The following USP32 variants were observed in gnomAD, a reference collection of about 807,000 sequenced individuals.
The protein encoded by USP32 is ubiquitin specific peptidase 32, also known as ubiquitin carboxyl-terminal hydrolase 32.
Under a neutral mutation model 204.8 loss-of-function variants are expected in USP32, and 59 were observed. The ratio of observed to expected loss-of-function variants is 0.29; its 90% CI spans 0.23 to 0.36. The LOEUF (loss-of-function observed/expected upper bound fraction) is 0.36, where lower values mean the gene tolerates loss of function less well. Among genes scored for constraint, USP32 ranks in the 10% least tolerant of loss-of-function variants. USP32 has a pLI of 1.00. For missense variants in USP32, 1,160 were observed against 1,946.4 expected (o/e 0.60, Z 7.60); for synonymous variants, 517 against 678.4 (o/e 0.76, Z 3.70).
At chr17:60,267,992 G>C (rs1030669340) in intron 7 of USP32, among the ~76,000 whole-genome samples, 2 of 151,654 alleles carry the variant, frequency 1.3e-5, no homozygotes, top group Non-Finnish European at 2.9e-5. Flanking sequence ...TGTATTTTTA[G>C]CCGAGACTAT....
At chr17:60,368,713 T>C (rs1465822237) in intron 1 of USP32, among the ~76,000 whole-genome samples, 1 of 152,160 alleles carries the variant, frequency 6.6e-6, no homozygotes. Flanking sequence ...AGTAAGCACT[T>C]CACAGTTGTC....
At chr17:60,276,177 A>G (rs1481309577) in intron 5 of USP32, among the ~76,000 whole-genome samples, 1 of 152,178 alleles carries the variant, frequency 6.6e-6, no homozygotes. Context: ...CTAGGGGTTT[A>G]GGACCAGCTT....
intron 9 of USP32, among the ~76,000 whole-genome samples, chr17:60,259,658 C>CCATA (rs1356590335): frequency 2.0e-5 from 3 of 152,052 alleles, no homozygotes; most frequent in Non-Finnish European, 4.4e-5. Flanking sequence ...AATGAGCCTC[C>CCATA]CATATTTGTT....
At chr17:60,260,647 T>C (rs1483854592) in intron 9 of USP32, among the ~76,000 whole-genome samples, 2 of 151,820 alleles carry the variant, frequency 1.3e-5, no homozygotes, top group African/African-American at 4.8e-5. Context: ...TAGTAAACAT[T>C]TTACTAAGTT....
In USP32 at chr17:60,407,781, CAAAAAAAAAA is replaced by C. The variant is rs750848462; in HGVS notation, c.106+14455_106+14464del. 8.6e-4 allele frequency among the ~76,000 whole-genome samples: 31 copies of C among 35,944 alleles called. No homozygotes were observed. In the East Asian group the frequency reaches 0.03, roughly 34 times the overall value. The allele number at this position is 35,944 out of a possible 152,430, so 23.6% of individuals were successfully genotyped here. ...TGGGCGACAGAGCAAGCCTCTGTCTCAAAAAAAAAAAAAAAAAAAAAAAAAGCAGAAACAG... is the reference window on the plus strand; with the variant it reads ...TGGGCGACAGAGCAAGCCTCTGTCTCAAAAAAAAAAAAAAAGCAGAAACAG... On this transcript the variant is annotated intron_variant, in intron 1 of 3. Coordinates refer to the USP32 transcript ENST00000588898.
chr17:60,399,047 G>C (rs952967594), intron 1 of USP32, among the ~76,000 whole-genome samples: 6 of 152,148 alleles, frequency 3.9e-5, no homozygotes, highest in South Asian at 4.1e-4. Context: ...TGGGAACCTA[G>C]AGTAGGGAGA....
intron 25 of USP32, among the ~76,000 whole-genome samples, chr17:60,206,535 C>G (rs1305324228): frequency 2.7e-5 from 4 of 148,004 alleles, no homozygotes; most frequent in Admixed American, 6.7e-5. Flanking sequence ...GACTATCTAC[C>G]TACTACACAT....
At chr17:60,371,331 C>G (rs2089436919) in intron 1 of USP32, among the ~76,000 whole-genome samples, 2 of 151,310 alleles carry the variant, frequency 1.3e-5, no homozygotes, top group Admixed American at 1.3e-4. Flanking sequence ...CTTTGGGAGG[C>G]CAAGGCGGGT....
intron 11 of USP32, among the ~76,000 whole-genome samples, chr17:60,240,960 C>G: frequency 6.6e-6 from 1 of 152,150 alleles, no homozygotes; most frequent in South Asian, 2.1e-4. Context: ...CTTGCAGTAG[C>G]TTTTCTGGTA....
chr17:60,200,530 A>G (rs1206076178), intron 26 of USP32, among the ~76,000 whole-genome samples: 12 of 152,092 alleles, frequency 7.9e-5, no homozygotes, highest in Admixed American at 4.6e-4. Context: ...ACTGCACTCC[A>G]GCCTGGGCAA....
chr17:60,392,378 C>T (rs561429123), upstream of USP32: 1 of 261,940 alleles, frequency 3.8e-6, no homozygotes, highest in African/African-American at 2.4e-5. Context: ...CATCTCCGCA[C>T]GTAACGCATC....
At chr17:60,287,444 C>G (rs2087144451) in intron 5 of USP32, among the ~76,000 whole-genome samples, 1 of 152,078 alleles carries the variant, frequency 6.6e-6, no homozygotes, top group Admixed American at 6.5e-5. Flanking sequence ...CTTTAAAAAC[C>G]CTTACCCATG....
At chr17:60,268,816 C>T (rs1449963189) in intron 7 of USP32, among the ~76,000 whole-genome samples, 2 of 152,172 alleles carry the variant, frequency 1.3e-5, no homozygotes, top group East Asian at 1.9e-4. Context: ...TTGAACACCA[C>T]ACCCAAAATA....
At chr17:60,330,016 T>C (rs903604791) in intron 2 of USP32, among the ~76,000 whole-genome samples, 2 of 152,216 alleles carry the variant, frequency 1.3e-5, no homozygotes, top group Non-Finnish European at 2.9e-5. Flanking sequence ...AATAATTTCT[T>C]TGAAGTTCTG....
At chr17:60,183,980 A>T (rs898726876) in intron 30 of USP32, among the ~76,000 whole-genome samples, 8 of 151,934 alleles carry the variant, frequency 5.3e-5, no homozygotes, top group African/African-American at 1.9e-4. Flanking sequence ...TTATACCTCA[A>T]TTTTTTTTAA....
Position 60,196,546 on chromosome 17 carries a change from C to T in USP32, c.3434+1714G>A, listed in dbSNP as rs374976239. Among the ~76,000 whole-genome samples, 10 of 152,092 alleles carry T rather than the reference C, an allele frequency of 6.6e-5. No homozygotes were observed. In the South Asian group the frequency reaches 1.5e-3, roughly 22 times the overall value. ...ATTTATTTAAATAACTTATTTTGGC[C>T]GGGCACGATGGCTCATGCCTGTAAT... On this transcript the variant is annotated intron_variant, in intron 27 of 33. Transcript: ENST00000300896.
At chr17:60,279,728 T>C (rs890905676) in intron 5 of USP32, among the ~76,000 whole-genome samples, 15 of 151,038 alleles carry the variant, frequency 9.9e-5, no homozygotes, top group Admixed American at 4.6e-4. Flanking sequence ...TCCCAGCAAG[T>C]TGGGAGGCTG....
At chr17:60,267,361 G>A (rs547546211) in intron 7 of USP32, among the ~76,000 whole-genome samples, 1 of 152,054 alleles carries the variant, frequency 6.6e-6, no homozygotes, top group Admixed American at 6.5e-5. Flanking sequence ...CCAAGATCGT[G>A]CCCCTGCACT....
chr17:60,354,914 G>A (rs1466350684), intron 1 of USP32, among the ~76,000 whole-genome samples: 6 of 152,114 alleles, frequency 3.9e-5, no homozygotes, highest in South Asian at 4.2e-4. Flanking sequence ...GCATAGTGGC[G>A]GTGCCTGTAG....
Sources: gnomAD v4.1 joint callset for allele counts (sites outside exome capture counted in the v4.1 genomes callset) on GRCh38, gnomAD v4.1.1 for gene constraint, MANE v1.5 for transcripts, NCBI Gene and HGNC (gene_info 2026-07-23, HGNC 2026-07-21) for gene names.